Variants in TMEM204 observed in about 807,000 individuals in gnomAD.
TMEM204 encodes the protein claudin-like protein 24.
In TMEM204, 15 loss-of-function variants were observed where a neutral mutation model predicts 19.4. That is an observed-to-expected ratio of 0.77 (90% confidence interval 0.52 to 1.19). The LOEUF is 1.19. TMEM204 is among the 50% of genes most tolerant of loss of function. The pLI is 0.00. For synonymous variants in TMEM204, 161 were observed against 146.0 expected (o/e 1.10, Z -0.74); for missense variants, 287 against 321.2 (o/e 0.89, Z 0.81).
chr16:1,544,487 G>A (rs191329637), intron 2 of TMEM204, among the ~76,000 whole-genome samples: 20 of 150,922 alleles, frequency 1.3e-4, no homozygotes, highest in African/African-American at 4.4e-4. Context: ...GCCTGGCCAC[G>A]CCCCACTAAT....
chr16:1,544,769 C>T (rs1022726921), intron 2 of TMEM204, among the ~76,000 whole-genome samples: 2 of 152,006 alleles, frequency 1.3e-5, no homozygotes, highest in Non-Finnish European at 2.9e-5. Flanking sequence ...CTGCCTCAGC[C>T]TCCCGAGTAG....
At chr16:1,547,614 A>G (rs977386327) in intron 2 of TMEM204, among the ~76,000 whole-genome samples, 3 of 152,156 alleles carry the variant, frequency 2.0e-5, no homozygotes, top group Admixed American at 2.0e-4. Flanking sequence ...TGGGTTCAAT[A>G]TAAGTTCCGC....
Position 1,534,287 on chromosome 16 carries a change from G to A in TMEM204, c.12G>A (p.Gln4=). 6.2e-7 allele frequency: 1 copy of A among 1,612,196 alleles called. No homozygotes were observed. Among genetic ancestry groups the A allele is most frequent in the Non-Finnish European group, 8.5e-7 (1 of 1,179,840 alleles). The change falls in exon 1 of 3, where the codon CAG becomes CAA. Residue 4 remains glutamine, a synonymous_variant. Coordinates refer to ENST00000566264, the MANE Select transcript of TMEM204 (RefSeq NM_024600.6). ...CACCGGCGTCAGCGATGACCGTGCAGAGACTCGTGGCCGCGGCCGTGCTGG... is the reference window on the plus strand; with the variant it reads ...CACCGGCGTCAGCGATGACCGTGCAAAGACTCGTGGCCGCGGCCGTGCTGG... MTV[Q]RLVAAAVLVA...
At chr16:1,552,205 C>T (rs950253372) in intron 2 of TMEM204, among the ~76,000 whole-genome samples, 1 of 152,170 alleles carries the variant, frequency 6.6e-6, no homozygotes, top group Admixed American at 6.5e-5. Flanking sequence ...GTGGCCATGG[C>T]GGGCTGGAGC....
chr16:1,537,789 G>A (rs1398711131), intron 1 of TMEM204, among the ~76,000 whole-genome samples: 1 of 152,218 alleles, frequency 6.6e-6, no homozygotes, highest in Non-Finnish European at 1.5e-5. Context: ...GAATCTCGAG[G>A]CAGGCGAGCC....
intron 2 of TMEM204, chr16:1,552,843 T>G (rs564309854): frequency 2.4e-4 from 85 of 355,632 alleles, no homozygotes; most frequent in African/African-American, 1.8e-3. Context: ...TTAGTAGAGA[T>G]AGGGTTTCAC....
At chr16:1,531,797 A>C (rs1292715076), upstream of TMEM204, 1 of 152,104 alleles carries the variant, frequency 6.6e-6, no homozygotes, top group African/African-American at 2.4e-5. This position sits in a 1 kb window ranked among gnomAD's most constrained non-coding sequence, Gnocchi z 4.7. Context: ...GCGAACCAGG[A>C]CTTCTGGGGG....
Position 1,546,634 on chromosome 16 carries a change from CCTGT to C in TMEM204, c.436+4561_436+4564del, listed in dbSNP as rs574122163. On this transcript the variant is annotated intron_variant, in intron 2 of 2. Coordinates refer to ENST00000566264, the MANE Select transcript of TMEM204 (RefSeq NM_024600.6). ...GCAGCACCTGTGCTCCCCACCTAGG[CCTGT>C]CTCCCTCGGGGGCGCAAACTGTCCT... Among the ~76,000 whole-genome samples, 15 of 152,344 alleles carry C rather than the reference CCTGT, an allele frequency of 9.8e-5. No homozygotes were observed. In the South Asian group the frequency reaches 2.9e-3, roughly 29 times the overall value.
At chr16:1,530,973 G>A (rs1313648696), upstream of TMEM204, 1 of 152,282 alleles carries the variant, frequency 6.6e-6, no homozygotes, top group Non-Finnish European at 1.5e-5. Flanking sequence ...GAACCCACGG[G>A]AAGGGCGGTC....
chr16:1,546,496 G>A (rs2032184321), intron 2 of TMEM204, among the ~76,000 whole-genome samples: 1 of 152,200 alleles, frequency 6.6e-6, no homozygotes. Flanking sequence ...GCACAGATGT[G>A]CCCTCGTCAG....
In TMEM204 at chr16:1,553,484, G is replaced by A; in HGVS notation, c.437-1298G>A. 1.0e-6 allele frequency: 1 copy of A among 985,498 alleles called. No homozygotes were observed. The allele number at this position is 985,498 out of a possible 1,614,324, so 61.0% of individuals were successfully genotyped here. On this transcript the variant is annotated intron_variant, in intron 2 of 2. Coordinates refer to ENST00000566264, the MANE Select transcript of TMEM204 (RefSeq NM_024600.6). The surrounding 1 kb of genome is among the most constrained non-coding windows in gnomAD (Gnocchi z 4.4). ...AACATGCAGGCCAGGCGGAGGGACAGCAGTGGGGCTCGGCGTGGCCGGAGC... is the reference window on the plus strand; with the variant it reads ...AACATGCAGGCCAGGCGGAGGGACAACAGTGGGGCTCGGCGTGGCCGGAGC...
intron 2 of TMEM204, among the ~76,000 whole-genome samples, chr16:1,549,150 G>A (rs2032428223): frequency 6.6e-6 from 1 of 152,374 alleles, no homozygotes; most frequent in South Asian, 2.1e-4. Context: ...ACTGGCGTCC[G>A]AGGGCGCTGT....
chr16:1,554,241 GAA>G, intron 2 of TMEM204: 1 of 681,672 alleles, frequency 1.5e-6, no homozygotes, highest in South Asian at 1.8e-5. Flanking sequence ...CCAAGAGCAA[GAA>G]AACTGTCAGA....
intron 2 of TMEM204, among the ~76,000 whole-genome samples, chr16:1,542,340 T>C (rs1292730902): frequency 2.6e-5 from 4 of 152,260 alleles, no homozygotes; most frequent in South Asian, 4.1e-4. Flanking sequence ...TTTTCCACTT[T>C]AAAGGCTGAG....
At chr16:1,535,398 C>A (rs971760515) in intron 1 of TMEM204, among the ~76,000 whole-genome samples, 1 of 152,196 alleles carries the variant, frequency 6.6e-6, no homozygotes, top group African/African-American at 2.4e-5. Context: ...GACACAAGGT[C>A]TCCCAAAGGC....
intron 2 of TMEM204, among the ~76,000 whole-genome samples, chr16:1,543,881 A>G (rs1596334973): frequency 2.6e-5 from 4 of 152,208 alleles, no homozygotes; most frequent in Admixed American, 2.6e-4. Flanking sequence ...AAAGAAGGAA[A>G]TGGAAGATTT....
chr16:1,544,439 C>A (rs1405531832), intron 2 of TMEM204, among the ~76,000 whole-genome samples: 4 of 151,884 alleles, frequency 2.6e-5, no homozygotes, highest in Admixed American at 2.6e-4. Context: ...CCCACCTTGG[C>A]CTCCCAAAGT....
At chr16:1,534,643 T>TG (rs993541651) in intron 1 of TMEM204, 88 bp downstream of exon 1, 12 of 1,559,646 alleles carry the variant, frequency 7.7e-6, no homozygotes, top group Non-Finnish European at 1.0e-5. Context: ...GGTGAGCGGG[T>TG]GGGGAGGCCT....
rs1300193105 is a variant in TMEM204 at position 1,551,817 on chromosome 16, G to A, written c.437-2965G>A. Among the ~76,000 whole-genome samples the A allele has an allele frequency of 6.6e-6, 1 of 152,140 alleles. No individual in the cohort carries two copies. The highest frequency in any genetic ancestry group is 1.5e-5 in the Non-Finnish European group (1 of 68,004). On this transcript the variant is annotated intron_variant, in intron 2 of 2. Transcript: ENST00000566264. This position sits in a 1 kb window ranked among gnomAD's most constrained non-coding sequence, Gnocchi z 4.0. ...TCAACTCTGCGGGACCTCCCACCCG[G>A]GCTGGTTGCCCTGTGTTGCCTTAGA...
Sources: allele counts gnomAD v4.1 joint callset (sites outside exome capture counted in the v4.1 genomes callset), GRCh38; gene constraint gnomAD v4.1.1; non-coding constraint Gnocchi (gnomAD v3.1); transcripts MANE v1.5; gene names NCBI Gene and HGNC (gene_info 2026-07-23, HGNC 2026-07-21).